The following FAT1 variants were observed in gnomAD, a reference collection of about 807,000 sequenced individuals.
FAT1 encodes protocadherin Fat 1.
Under a neutral mutation model 329.8 loss-of-function variants are expected in FAT1, and 171 were observed. That is an observed-to-expected ratio of 0.52 (90% CI 0.46 to 0.59). The LOEUF (loss-of-function observed/expected upper bound fraction) is 0.59. Ranked by LOEUF, FAT1 falls within the 20% of genes least tolerant of loss-of-function variation. The probability of loss-of-function intolerance (pLI) is 0.00; values close to 1 mark genes in which losing one functional copy is unlikely to be tolerated. For synonymous variants in FAT1, 2,233 were observed against 2,228.6 expected (o/e 1.00, Z -0.06); for missense variants, 5,672 against 5,774.4 (o/e 0.98, Z 0.57).
chr4:186,588,595 G>GACTTCC lies in FAT1; in HGVS notation c.13758_13763dup (p.Glu4587_Val4588dup). The GACTTCC allele has an allele frequency of 6.2e-7, 1 of 1,608,112 alleles. No individual in the cohort carries two copies. Among genetic ancestry groups the GACTTCC allele is most frequent in the Admixed American group, 1.7e-5 (1 of 59,830 alleles). ...GCACTTTGGGGGGAGTTGAGAGTCA[G>GACTTCC]ACTTCCGTGTGCTGCTGGGAATCCA... On this transcript the variant is annotated inframe_insertion, in exon 27 of 27. Coordinates refer to ENST00000441802, the MANE Select transcript of FAT1 (RefSeq NM_005245.4).
chr4:186,627,208 C>T (rs1391517067), intron 9 of FAT1, among the ~76,000 whole-genome samples: 2 of 116,238 alleles, frequency 1.7e-5, no homozygotes, highest in African/African-American at 6.7e-5. Context: ...TGGCACCTGG[C>T]ACATAAAGTG....
At chr4:186,592,883 C>A (rs1010953264) in intron 26 of FAT1, 2 of 397,670 alleles carry the variant, frequency 5.0e-6, no homozygotes, top group Non-Finnish European at 1.0e-5. Context: ...AATACAACCA[C>A]ATAATGATGC....
rs768823193 is a variant in FAT1, at chr4:186,596,054, G to T, written c.13001-228C>A. On this transcript the variant is annotated intron_variant, in intron 25 of 26. Transcript: ENST00000441802. This position sits in a 1 kb window ranked among gnomAD's most constrained non-coding sequence, Gnocchi z 4.7. ...AGAGATTATTCATAGAGTAGAAATC[G>T]CCCATAAGCATGCCTATGGGTATCA... 6.6e-6 allele frequency among the ~76,000 whole-genome samples: 1 copy of T among 152,074 alleles called. No individual in the cohort carries two copies. Among genetic ancestry groups the T allele is most frequent in the African/African-American group, 2.4e-5 (1 of 41,406 alleles).
At chr4:186,671,864 A>C (rs1742748660) in intron 2 of FAT1, among the ~76,000 whole-genome samples, 1 of 152,020 alleles carries the variant, frequency 6.6e-6, no homozygotes, top group Non-Finnish European at 1.5e-5. Context: ...TTCTGCCATC[A>C]GTTGGCAAAT....
intron 2 of FAT1, among the ~76,000 whole-genome samples, chr4:186,668,370 G>C (rs939433501): frequency 6.6e-6 from 1 of 152,154 alleles, no homozygotes; most frequent in African/African-American, 2.4e-5. Context: ...AAGACCAGGG[G>C]TAGAGCTAGC....
intron 1 of FAT1, 58 bp downstream of exon 1, chr4:186,723,605 AC>A (rs1219027310): frequency 2.0e-5 from 3 of 152,118 alleles, no homozygotes; most frequent in African/African-American, 7.2e-5. Flanking sequence ...CAGAGTCCGC[AC>A]CGCAGCGCGC....
rs112706830 is a variant in FAT1, at chr4:186,588,165, TG to T, written c.*426del. ...AAATCAGGGTGCTAGATAATGGCAC[TG>T]ACACCACCAAAATTCAGTTGAAACA... On this transcript the variant is annotated 3_prime_UTR_variant, in exon 27 of 27. Coordinates refer to ENST00000441802, the MANE Select transcript of FAT1 (RefSeq NM_005245.4). 2 of 224,480 alleles carry T rather than the reference TG, an allele frequency of 8.9e-6. No homozygotes were observed. Among genetic ancestry groups the T allele is most frequent in the Admixed American group, 5.4e-5 (1 of 18,372 alleles). 13.9% of individuals were successfully genotyped at this position (224,480 alleles called of 1,614,324 possible).
chr4:186,668,719 T>C (rs1742584496), intron 2 of FAT1, among the ~76,000 whole-genome samples: 1 of 152,222 alleles, frequency 6.6e-6, no homozygotes, highest in Admixed American at 6.5e-5. Flanking sequence ...ATTTACAGAT[T>C]ACAGATTGAT....
chr4:186,705,741 A>G (rs1039599232), intron 2 of FAT1, among the ~76,000 whole-genome samples: 5 of 152,244 alleles, frequency 3.3e-5, no homozygotes, highest in African/African-American at 1.2e-4. Context: ...TACAAAGTGC[A>G]ACACACGCAC....
At chr4:186,622,259 T>C (rs910842548) in intron 9 of FAT1, among the ~76,000 whole-genome samples, 6 of 152,252 alleles carry the variant, frequency 3.9e-5, no homozygotes, top group Non-Finnish European at 7.3e-5. Context: ...CAATTGTCCA[T>C]GGATAAATGT....
At chr4:186,652,712 C>T (rs891312197) in intron 3 of FAT1, among the ~76,000 whole-genome samples, 1 of 152,000 alleles carries the variant, frequency 6.6e-6, no homozygotes, top group Non-Finnish European at 1.5e-5. Flanking sequence ...CAAATGTTAC[C>T]GGAAACCCCT....
At chr4:186,631,060 C>G (rs755495177) in intron 7 of FAT1, among the ~76,000 whole-genome samples, 13 of 152,180 alleles carry the variant, frequency 8.5e-5, no homozygotes, top group Non-Finnish European at 1.8e-4. Context: ...TGCCGCCTAC[C>G]TCTGCTGGAG....
intron 3 of FAT1, among the ~76,000 whole-genome samples, chr4:186,661,183 C>T (rs925037598): frequency 6.6e-6 from 1 of 152,086 alleles, no homozygotes; most frequent in Non-Finnish European, 1.5e-5. Flanking sequence ...TCCCAGAACC[C>T]CTGTTAGTCT....
chr4:186,701,666 G>A (rs1418179665), intron 2 of FAT1, among the ~76,000 whole-genome samples: 1 of 152,208 alleles, frequency 6.6e-6, no homozygotes, highest in African/African-American at 2.4e-5. Context: ...AGGATCCGGG[G>A]CCCGTCAGCC....
chr4:186,691,233 T>C (rs560703888), intron 2 of FAT1, among the ~76,000 whole-genome samples: 2 of 152,312 alleles, frequency 1.3e-5, no homozygotes, highest in Non-Finnish European at 1.5e-5. Context: ...CATGAATCAC[T>C]GTTGTGTTTT....
intron 2 of FAT1, among the ~76,000 whole-genome samples, chr4:186,699,516 A>G (rs1306984164): frequency 1.3e-5 from 2 of 152,238 alleles, no homozygotes; most frequent in Admixed American, 6.5e-5. Context: ...TCCTAGACTT[A>G]CTGTCACTGC....
rs7676403 is a variant in FAT1, at chr4:186,588,166, G to A, written c.*426C>T. 0.58 allele frequency: 131,474 copies of A among 228,574 alleles called. 39,017 individuals are homozygous for A. Among genetic ancestry groups the A allele is most frequent in the African/African-American group, 0.74 (32,890 of 44,566 alleles). 14.2% of individuals were successfully genotyped at this position (228,574 alleles called of 1,614,324 possible). ...AATCAGGGTGCTAGATAATGGCACT[G>A]ACACCACCAAAATTCAGTTGAAACA... On this transcript the variant is annotated 3_prime_UTR_variant, in exon 27 of 27. Transcript: ENST00000441802.
At chr4:186,661,818 G>T (rs186276184) in intron 3 of FAT1, among the ~76,000 whole-genome samples, 135 of 152,240 alleles carry the variant, frequency 8.9e-4, no homozygotes, top group Admixed American at 1.6e-3. Context: ...GAGGTTATGG[G>T]AACCCTCGCT....
chr4:186,668,566 AG>A (rs1742574742), intron 2 of FAT1, among the ~76,000 whole-genome samples: 1 of 152,174 alleles, frequency 6.6e-6, no homozygotes, highest in Non-Finnish European at 1.5e-5. Context: ...CCATTCTTTA[AG>A]GGAGTCCTGG....
Sources: gnomAD v4.1 joint callset for allele counts (sites outside exome capture counted in the v4.1 genomes callset) on GRCh38, gnomAD v4.1.1 for gene constraint, Gnocchi (gnomAD v3.1) non-coding constraint, MANE v1.5 for transcripts, NCBI Gene and HGNC (gene_info 2026-07-23, HGNC 2026-07-21) for gene names.